CCNYL1: variants seen among roughly 807,000 people sequenced by gnomAD.
CCNYL1 encodes the protein cyclin Y like 1.
In CCNYL1, 16 loss-of-function variants were observed where a neutral mutation model predicts 44.2. The ratio of observed to expected loss-of-function variants is 0.36; its 90% CI spans 0.25 to 0.55. CCNYL1 has a LOEUF of 0.55. CCNYL1 is among the 20% of genes least tolerant of loss of function. The pLI is 0.85. For missense variants in CCNYL1, 348 were observed against 451.8 expected, an observed-to-expected ratio of 0.77 and a Z score of 2.08; for synonymous variants, 159 against 163.2, an observed-to-expected ratio of 0.97 and a Z score of 0.20.
At chr2:207,718,884 T>A (rs2091618047) in intron 1 of CCNYL1, among the ~76,000 whole-genome samples, 1 of 152,230 alleles carries the variant, frequency 6.6e-6, no homozygotes, top group South Asian at 2.1e-4. Flanking sequence ...GTTGCATTAT[T>A]TTCAATAGCT....
In CCNYL1 at chr2:207,754,544, G is replaced by A. The variant is rs529073832; in HGVS notation, c.*846G>A. On this transcript the variant is annotated 3_prime_UTR_variant, in exon 10 of 10. Transcript: ENST00000295414. ...GCAGTTTTAAGCTTGAATATAGTTTGGGCCCTCCAAGGCACTGCAGCATGA... is the reference window on the plus strand; with the variant it reads ...GCAGTTTTAAGCTTGAATATAGTTTAGGCCCTCCAAGGCACTGCAGCATGA... 1 of 152,668 alleles carries A rather than the reference G, an allele frequency of 6.6e-6. No individual in the cohort carries two copies. Among genetic ancestry groups the A allele is most frequent in the South Asian group, 2.1e-4 (1 of 4,832 alleles). 9.5% of individuals were successfully genotyped at this position (152,668 alleles called of 1,614,324 possible).
At chr2:207,712,556 C>G (rs1325181911) in intron 1 of CCNYL1, among the ~76,000 whole-genome samples, 3 of 152,150 alleles carry the variant, frequency 2.0e-5, no homozygotes, top group Admixed American at 6.6e-5. Flanking sequence ...AGGTAAGGGT[C>G]TGATTGTTCC....
chr2:207,712,931 T>A (rs2091562910), intron 1 of CCNYL1, among the ~76,000 whole-genome samples: 1 of 152,208 alleles, frequency 6.6e-6, no homozygotes, highest in African/African-American at 2.4e-5. Flanking sequence ...TTCCTCTGCC[T>A]CAGCCTCCCG....
intron 1 of CCNYL1, among the ~76,000 whole-genome samples, chr2:207,723,420 G>T (rs1307157223): frequency 1.3e-5 from 2 of 152,210 alleles, no homozygotes; most frequent in Non-Finnish European, 2.9e-5. Flanking sequence ...TTTTGATTTT[G>T]TAAGAGCCAG....
chr2:207,750,079 A>G (rs6715575), intron 8 of CCNYL1, among the ~76,000 whole-genome samples: 23,499 of 152,018 alleles, frequency 0.15, 2,970 homozygotes, highest in East Asian at 0.38. Flanking sequence ...CTCCCATTGC[A>G]TTCAGCTCAC....
intron 3 of CCNYL1, among the ~76,000 whole-genome samples, 162 bp from the exon 4 acceptor site, chr2:207,733,785 C>G (rs1273686907): frequency 6.6e-6 from 1 of 152,206 alleles, no homozygotes; most frequent in Non-Finnish European, 1.5e-5. Flanking sequence ...AGAGCCTCCA[C>G]TGGGTTTCCC....
intron 3 of CCNYL1, among the ~76,000 whole-genome samples, chr2:207,730,350 C>T (rs532170285): frequency 6.6e-6 from 1 of 152,302 alleles, no homozygotes; most frequent in South Asian, 2.1e-4. Context: ...GCCTTGGGTT[C>T]TGTAAGACAA....
In CCNYL1 at chr2:207,742,458, A is replaced by G. The variant is rs530748666; in HGVS notation, c.639+116A>G. ...AATTATCATCAGAACTTTAAGAGAA[A>G]CCTATGAAAGGAACATAAATACGTA... On this transcript the variant is annotated intron_variant, in intron 7 of 9. Coordinates refer to ENST00000295414, the MANE Select transcript of CCNYL1 (RefSeq NM_001330218.2). The G allele has an allele frequency of 1.3e-5, 12 of 950,538 alleles. No homozygotes were observed. The South Asian group carries it at 2.0e-4, about 16-fold the overall frequency. The allele number at this position is 950,538 out of a possible 1,614,324, so 58.9% of individuals were successfully genotyped here. A position where few individuals can be genotyped will look rare whatever the true frequency, so the allele number is the denominator to read the frequency against.
rs940685449 is a variant in CCNYL1 at position 207,754,384 on chromosome 2, A to G, written c.*686A>G. ...TTGATATCTACTTCTATTGGAGTCCATGTTGCATTTCTTGTGAACTATAAA... is the reference window on the plus strand; with the variant it reads ...TTGATATCTACTTCTATTGGAGTCCGTGTTGCATTTCTTGTGAACTATAAA... On this transcript the variant is annotated 3_prime_UTR_variant, in exon 10 of 10. Coordinates refer to ENST00000295414, the MANE Select transcript of CCNYL1 (RefSeq NM_001330218.2). The G allele has an allele frequency of 2.1e-4, 32 of 152,776 alleles. No individual in the cohort carries two copies. Among genetic ancestry groups the G allele is most frequent in the African/African-American group, 7.5e-4 (31 of 41,582 alleles). 9.5% of individuals were successfully genotyped at this position (152,776 alleles called of 1,614,324 possible). A position where few individuals can be genotyped will look rare whatever the true frequency, so the allele number is the denominator to read the frequency against.
Position 207,712,093 on chromosome 2 carries a change from T to C in CCNYL1, c.197T>C (p.Ile66Thr). The change falls in exon 1 of 10, where the codon ATC becomes ACC. Residue 66 changes from isoleucine (I) to threonine (T), a missense_variant. Ile to Thr is a moderately conservative substitution (Grantham distance 89). This residue lies in a region of CCNYL1 where 209 missense variants were observed against 247.7 expected (regional missense o/e 0.84). Transcript: ENST00000295414. The part of the protein sequence containing the change: ...GEGEGHHLQH[I>T]SDREMPEDLA... ...GGCGAGGGCCACCACCTGCAGCACA[T>C]CAGCGACCGCGAGATGCCCGAAGGT... 6.3e-7 allele frequency: 1 copy of C among 1,599,016 alleles called. No homozygotes were observed. Among genetic ancestry groups the C allele is most frequent in the Non-Finnish European group, 8.5e-7 (1 of 1,173,852 alleles).
At chr2:207,726,420 G>T (rs1297000895) in intron 2 of CCNYL1, among the ~76,000 whole-genome samples, 1 of 152,208 alleles carries the variant, frequency 6.6e-6, no homozygotes, top group Non-Finnish European at 1.5e-5. Context: ...CTAGAGATTG[G>T]CACCTAGCCA....
intron 9 of CCNYL1, among the ~76,000 whole-genome samples, chr2:207,752,016 C>T (rs950360153): frequency 5.3e-5 from 8 of 151,504 alleles, no homozygotes; most frequent in Non-Finnish European, 2.9e-5. Context: ...GCCTAGGTGA[C>T]GGAGTGAGAT....
chr2:207,754,416 T>C lies in CCNYL1; in HGVS notation c.*718T>C, dbSNP rs1429127086. 4 of 152,678 alleles carry C rather than the reference T, an allele frequency of 2.6e-5. No individual in the cohort carries two copies. In the East Asian group the frequency reaches 7.7e-4, roughly 29 times the overall value. 9.5% of individuals were successfully genotyped at this position (152,678 alleles called of 1,614,324 possible). On this transcript the variant is annotated 3_prime_UTR_variant, in exon 10 of 10. Coordinates refer to ENST00000295414, the MANE Select transcript of CCNYL1 (RefSeq NM_001330218.2). ...ATTTCTTGTGAACTATAAATGGTGC[T>C]TCTCATTTTCTGATAATTTTTCTCT...
rs1328614141 is a variant in CCNYL1 at position 207,726,838 on chromosome 2, T to C, written c.296-4T>C. The C allele has an allele frequency of 1.9e-6, 3 of 1,569,198 alleles. 1 individual carries two copies. In the Admixed American group the frequency reaches 6.0e-5, roughly 32 times the overall value. On this transcript the variant is annotated splice_region_variant and splice_polypyrimidine_tract_variant and intron_variant, in intron 2 of 9. Coordinates refer to ENST00000295414, the MANE Select transcript of CCNYL1 (RefSeq NM_001330218.2). ...ATTGATCAGCTAATTTTTTTTATTC[T>C]TAGTGCGAGAAAAGAGGAAGAGCAA...
chr2:207,732,804 A>C (rs1026304537), intron 3 of CCNYL1, among the ~76,000 whole-genome samples: 14 of 152,354 alleles, frequency 9.2e-5, no homozygotes, highest in African/African-American at 2.6e-4. Context: ...GGGCTCAAAA[A>C]GTTCATAGTC....
Position 207,742,423 on chromosome 2 carries a change from A to G in CCNYL1, c.639+81A>G. 3.8e-6 allele frequency: 5 copies of G among 1,303,840 alleles called. No homozygotes were observed. In the East Asian group the frequency reaches 1.2e-4, roughly 31 times the overall value. The allele number at this position is 1,303,840 out of a possible 1,614,324, so 80.8% of individuals were successfully genotyped here. On this transcript the variant is annotated intron_variant, in intron 7 of 9. Transcript: ENST00000295414. ...ATGGTCCTATTTTTCAAATAAAAATAGGTTCCTGAAATTATCATCAGAACT... is the reference window on the plus strand; with the variant it reads ...ATGGTCCTATTTTTCAAATAAAAATGGGTTCCTGAAATTATCATCAGAACT...
chr2:207,743,490 C>T (rs934234735), intron 7 of CCNYL1, among the ~76,000 whole-genome samples: 1 of 152,154 alleles, frequency 6.6e-6, no homozygotes, highest in Non-Finnish European at 1.5e-5. Flanking sequence ...TAGTGCACAC[C>T]TGTAGTCCCT....
intron 1 of CCNYL1, among the ~76,000 whole-genome samples, chr2:207,715,784 C>A (rs978987243): frequency 1.3e-5 from 2 of 151,008 alleles, no homozygotes; most frequent in Non-Finnish European, 2.9e-5. Flanking sequence ...TCAAGCAGTT[C>A]TCCTGCTTCA....
At chr2:207,745,945 G>T (rs2091852056) in intron 7 of CCNYL1, among the ~76,000 whole-genome samples, 1 of 152,192 alleles carries the variant, frequency 6.6e-6, no homozygotes, top group Admixed American at 6.5e-5. Flanking sequence ...TTGATACAGA[G>T]TTCAAACAGC....
Sources: allele counts gnomAD v4.1 joint callset (sites outside exome capture counted in the v4.1 genomes callset), GRCh38; gene constraint gnomAD v4.1.1; regional missense constraint gnomAD v4.1.1; transcripts MANE v1.5; gene names NCBI Gene and HGNC (gene_info 2026-07-23, HGNC 2026-07-21).